Variants in FAM184A observed in about 807,000 individuals in gnomAD.
FAM184A encodes family with sequence similarity 184 member A, also known as protein FAM184A.
A neutral mutation model predicts 143.8 loss-of-function variants in FAM184A; 99 were observed. The ratio of observed to expected loss-of-function variants is 0.69; its 90% CI spans 0.58 to 0.81. FAM184A has a LOEUF of 0.81. FAM184A is among the 40% of genes least tolerant of loss of function. The probability of loss-of-function intolerance (pLI) is 0.00; values close to 1 mark genes in which losing one functional copy is unlikely to be tolerated. For missense variants in FAM184A, 1,217 were observed against 1,310.5 expected (o/e 0.93, Z 1.10); for synonymous variants, 427 against 446.4 (o/e 0.96, Z 0.55).
chr6:119,063,120 A>C (rs1787319872), intron 1 of FAM184A, among the ~76,000 whole-genome samples: 1 of 152,224 alleles, frequency 6.6e-6, no homozygotes, highest in African/African-American at 2.4e-5. Context: ...AGTAAATAGG[A>C]GAATATTGGT....
intron 1 of FAM184A, among the ~76,000 whole-genome samples, chr6:119,088,423 G>A (rs1341205096): frequency 6.6e-6 from 1 of 152,114 alleles, no homozygotes; most frequent in Non-Finnish European, 1.5e-5. Flanking sequence ...CAAGGTCATG[G>A]TTAGCTAAAG....
chr6:119,058,750 T>C (rs1019133929), intron 1 of FAM184A, among the ~76,000 whole-genome samples: 1 of 152,088 alleles, frequency 6.6e-6, no homozygotes, highest in Non-Finnish European at 1.5e-5. Context: ...GCTTTCGAGT[T>C]ATCCTGGTCT....
At chr6:119,125,614 C>G (rs767925654) in intron 1 of FAM184A, among the ~76,000 whole-genome samples, 1 of 152,186 alleles carries the variant, frequency 6.6e-6, no homozygotes, top group Non-Finnish European at 1.5e-5. Flanking sequence ...GACGGACACA[C>G]CAATTTGCAT....
intron 9 of FAM184A, among the ~76,000 whole-genome samples, chr6:118,990,720 C>CA (rs112192720): frequency 0.16 from 20,734 of 129,634 alleles, 1,617 homozygotes; most frequent in Non-Finnish European, 0.2. Context: ...ACAAAAAATA[C>CA]AAAAAAAAAA....
intron 1 of FAM184A, among the ~76,000 whole-genome samples, chr6:119,030,870 G>C (rs973365682): frequency 6.6e-5 from 10 of 151,074 alleles, no homozygotes; most frequent in African/African-American, 2.5e-4. Flanking sequence ...TCATGGGATG[G>C]AATAGTATAG....
In FAM184A at chr6:118,960,262, C is replaced by G. The variant is rs1783276797; in HGVS notation, c.3342-78G>C. 6.9e-6 allele frequency: 8 copies of G among 1,157,948 alleles called. No homozygotes were observed. In the South Asian group the frequency reaches 1.0e-4, roughly 15 times the overall value. The allele number at this position is 1,157,948 out of a possible 1,614,324, so 71.7% of individuals were successfully genotyped here. A position where few individuals can be genotyped will look rare whatever the true frequency, so the allele number is the denominator to read the frequency against. On this transcript the variant is annotated intron_variant, in intron 17 of 17. Coordinates refer to ENST00000338891, the MANE Select transcript of FAM184A (RefSeq NM_024581.6). ...ATGAAGGCAAAAGCACATAAAACAT[C>G]AGCATAGATTACCACAACGGGTTCC... is the stretch of plus-strand genomic sequence containing the variant.
Position 118,966,895 on chromosome 6 carries a change from C to G in FAM184A, c.2973G>C (p.Gln991His). Residue 991 changes from glutamine (Q) to histidine (H), a missense_variant, in exon 15 of 18, where the codon CAG (glutamine) becomes CAC (histidine). Gln to His is a conservative substitution (Grantham distance 24). Transcript: ENST00000338891. ...GCATGGCTTTTAATTCTGTAATCAT[C>G]TGTATATCTTCTGGTTTTGATTCTC... ...LMRESKPEDIQMITELKAMLT... is the reference protein window; with the variant it reads ...LMRESKPEDIHMITELKAMLT... 6.3e-7 allele frequency: 1 copy of G among 1,590,446 alleles called. No individual in the cohort carries two copies. Among genetic ancestry groups the G allele is most frequent in the Non-Finnish European group, 8.6e-7 (1 of 1,161,582 alleles).
intron 1 of FAM184A, among the ~76,000 whole-genome samples, chr6:119,120,857 T>C (rs1789194705): frequency 6.6e-6 from 1 of 151,104 alleles, no homozygotes; most frequent in Non-Finnish European, 1.5e-5. Flanking sequence ...TCTTTTTTTT[T>C]TTTTTTAGGA....
chr6:119,050,491 C>T (rs1786712015), intron 1 of FAM184A, among the ~76,000 whole-genome samples: 1 of 124,920 alleles, frequency 8.0e-6, no homozygotes, highest in African/African-American at 2.9e-5. Context: ...CACCACAGAA[C>T]ACTATGCAGC....
intron 1 of FAM184A, among the ~76,000 whole-genome samples, chr6:119,106,424 A>C (rs1040653227): frequency 3.9e-5 from 6 of 152,166 alleles, no homozygotes; most frequent in African/African-American, 1.2e-4. Context: ...AACCAAACTG[A>C]CATATTTAAA....
chr6:119,073,694 G>A (rs1285445231), intron 1 of FAM184A, among the ~76,000 whole-genome samples: 1 of 152,200 alleles, frequency 6.6e-6, no homozygotes, highest in Admixed American at 6.5e-5. Flanking sequence ...GGCTTTGAGG[G>A]AATGACTTGA....
chr6:119,046,366 A>T (rs1011912877), intron 1 of FAM184A, among the ~76,000 whole-genome samples: 1 of 151,956 alleles, frequency 6.6e-6, no homozygotes, highest in Non-Finnish European at 1.5e-5. Context: ...TGACAAGTAC[A>T]GACAAGCGCA....
At chr6:118,960,950 T>C (rs1783303015) in intron 17 of FAM184A, 9 of 570,028 alleles carry the variant, frequency 1.6e-5, no homozygotes, top group Non-Finnish European at 2.4e-5. Context: ...CTAATTTTCA[T>C]TCTTGCTATT....
intron 1 of FAM184A, among the ~76,000 whole-genome samples, chr6:119,074,765 T>A (rs562469326): frequency 6.6e-6 from 1 of 152,304 alleles, no homozygotes; most frequent in Non-Finnish European, 1.5e-5. Context: ...GTTCAGCCAT[T>A]AACATTTGCA....
intron 7 of FAM184A, chr6:119,005,873 G>C: frequency 2.2e-6 from 1 of 462,212 alleles, no homozygotes; most frequent in Non-Finnish European, 3.9e-6. Context: ...TGCAGACACA[G>C]AGAAGCACTT....
chr6:119,107,107 A>G (rs1248088619), intron 1 of FAM184A, among the ~76,000 whole-genome samples: 1 of 152,220 alleles, frequency 6.6e-6, no homozygotes, highest in Non-Finnish European at 1.5e-5. Flanking sequence ...GAGAAATACC[A>G]CTTAATGTGT....
At chr6:119,051,245 C>A (rs1452104757) in intron 1 of FAM184A, among the ~76,000 whole-genome samples, 3 of 152,196 alleles carry the variant, frequency 2.0e-5, no homozygotes, top group Non-Finnish European at 4.4e-5. Context: ...ATGGATGGAA[C>A]TGGAGATCAT....
intron 1 of FAM184A, among the ~76,000 whole-genome samples, chr6:119,095,055 T>C (rs1788471598): frequency 6.6e-6 from 1 of 152,188 alleles, no homozygotes; most frequent in East Asian, 1.9e-4. Context: ...GGTGGGACTC[T>C]GTCAGCATGC....
intron 3 of FAM184A, 35 bp from the exon 4 acceptor site, chr6:119,020,194 A>T (rs746485790): frequency 6.8e-7 from 1 of 1,477,812 alleles, no homozygotes; most frequent in Non-Finnish European, 9.0e-7. Context: ...TCAATTTAAA[A>T]ATCAGTTGTA....
Sources: allele counts gnomAD v4.1 joint callset (sites outside exome capture counted in the v4.1 genomes callset), GRCh38; gene constraint gnomAD v4.1.1; transcripts MANE v1.5; gene names NCBI Gene and HGNC (gene_info 2026-07-23, HGNC 2026-07-21).